Variants in URGCP observed in about 807,000 individuals in gnomAD.
URGCP encodes up-regulator of cell proliferation.
URGCP carries 13 observed loss-of-function variants against 24.6 expected under a neutral mutation model. That is an observed-to-expected ratio of 0.53 (90% confidence interval 0.34 to 0.84). The LOEUF is 0.84. Ranked by LOEUF, URGCP falls within the 40% of genes least tolerant of loss-of-function variation. The pLI, the probability that URGCP is intolerant of heterozygous loss-of-function variation, is 0.01. For synonymous variants in URGCP, 444 were observed against 487.2 expected, an observed-to-expected ratio of 0.91 and a Z score of 1.17; for missense variants, 899 against 1,194.3, an observed-to-expected ratio of 0.75 and a Z score of 3.64.
At position 43,879,167 on chromosome 7, in the gene URGCP, C is replaced by T. The variant is rs1362301989; in HGVS notation, c.296G>A (p.Ser99Asn). The T allele has an allele frequency of 6.2e-7, 1 of 1,614,176 alleles. No homozygotes were observed. Among genetic ancestry groups the T allele is most frequent in the Admixed American group, 1.7e-5 (1 of 60,032 alleles). ...KLSLQDSLQISFDSMKNWAPQ... is the reference protein window; with the variant it reads ...KLSLQDSLQINFDSMKNWAPQ... ...GGCCCAGTTCTTCATACTGTCAAAA[C>T]TGATCTGCAGAGAGTCCTGGAGGCT... The change falls in exon 6 of 6, where the codon AGT (serine) becomes AAT (asparagine). Residue 99 changes from serine (S) to asparagine (N), a missense_variant. Physicochemically the swap from Ser to Asn is conservative, Grantham distance 46 (BLOSUM62 1). Coordinates refer to ENST00000453200, the MANE Select transcript of URGCP (RefSeq NM_001077663.3).
chr7:43,886,885 G>A (rs75160403), intron 3 of URGCP, among the ~76,000 whole-genome samples: 4,536 of 152,234 alleles, frequency 0.03, 250 homozygotes, highest in African/African-American at 0.1. Context: ...AAAGGGTGGC[G>A]TTACAGCCCC....
chr7:43,903,310 G>C (rs145846216), intron 1 of URGCP, among the ~76,000 whole-genome samples: 224 of 152,298 alleles, frequency 1.5e-3, no homozygotes, highest in Middle Eastern at 6.8e-3. Flanking sequence ...ACAGAGCAAG[G>C]AACAAACTTA....
intron 1 of URGCP, chr7:43,919,214 C>A: frequency 1.1e-6 from 1 of 882,520 alleles, no homozygotes; most frequent in Non-Finnish European, 2.0e-6. Flanking sequence ...CAGTGTTTCC[C>A]AACCAGGACA....
At chr7:43,889,676 C>T (rs1379645036) in intron 1 of URGCP, 1 of 152,218 alleles carries the variant, frequency 6.6e-6, no homozygotes, top group Non-Finnish European at 1.5e-5. Flanking sequence ...AATCTACTCC[C>T]ATTGCTCTAG....
At chr7:43,922,966 CCTCT>C (rs1022577925) in intron 1 of URGCP, among the ~76,000 whole-genome samples, 5 of 148,014 alleles carry the variant, frequency 3.4e-5, no homozygotes, top group Non-Finnish European at 6.0e-5. Flanking sequence ...CTCTCTTTCT[CCTCT>C]CTCTCTCTCT....
chr7:43,919,735 C>T, intron 1 of URGCP: 3 of 1,375,532 alleles, frequency 2.2e-6, no homozygotes, highest in Non-Finnish European at 3.1e-6. Context: ...TGGAAGTTGG[C>T]CAACTTCATC....
chr7:43,919,466 C>A (rs1486779265), intron 1 of URGCP: 2 of 1,011,228 alleles, frequency 2.0e-6, no homozygotes, highest in Admixed American at 3.4e-5. Flanking sequence ...TCATAGGCCT[C>A]ATCGCCTCAC....
At position 43,878,566 on chromosome 7, in the gene URGCP, G is replaced by C; in HGVS notation, c.897C>G (p.Asn299Lys). 4 of 1,614,228 alleles carry C rather than the reference G, an allele frequency of 2.5e-6. No homozygotes were observed. The highest frequency in any genetic ancestry group is 3.4e-6 in the Non-Finnish European group (4 of 1,180,048). Residue 299 changes from asparagine to lysine, a missense_variant, in exon 6 of 6, where the codon AAC becomes AAG. Physicochemically the swap from Asn to Lys is moderately conservative, Grantham distance 94. Transcript: ENST00000453200. This position sits in a 1 kb window ranked among gnomAD's most constrained non-coding sequence, Gnocchi z 5.6. ...AAATCTCCCGGGCATTGGTGCCCAA[G>C]TTGAGGTCCCGATGCCAGAAGCAGT... ...QWDCFWHRDL[N>K]LGTNAREISD...
rs1482800650 is a variant in URGCP at position 43,877,243 on chromosome 7, G to A, written c.2220C>T (p.Ser740=). Residue 740 remains serine, a synonymous_variant, in exon 6 of 6, where the codon AGC becomes AGT. Coordinates refer to ENST00000453200, the MANE Select transcript of URGCP (RefSeq NM_001077663.3). ...GGATGTGGTCACAGCCCAGGTCCTG[G>A]CTGAAGCCCTCAGCCACTGTGATGA... ...MQLITVAEGF[S]QDLGCDHILV... 2.5e-6 allele frequency: 4 copies of A among 1,614,092 alleles called. No homozygotes were observed. The highest frequency in any genetic ancestry group is 3.3e-4 in the Middle Eastern group (2 of 6,062).
At chr7:43,926,672 G>A (rs529534021), upstream of URGCP, 42 of 1,148,580 alleles carry the variant, frequency 3.7e-5, no homozygotes, top group Admixed American at 1.3e-3. Flanking sequence ...GGATACACCT[G>A]CCTGGGAAGG....
At chr7:43,902,731 G>C (rs79598651) in intron 1 of URGCP, among the ~76,000 whole-genome samples, 1 of 152,164 alleles carries the variant, frequency 6.6e-6, no homozygotes, top group Admixed American at 6.5e-5. Context: ...CATGTGTTGG[G>C]AGGTACAGAG....
intron 1 of URGCP, among the ~76,000 whole-genome samples, chr7:43,921,898 C>CT (rs1034850495): frequency 2.7e-3 from 389 of 146,458 alleles, no homozygotes; most frequent in African/African-American, 7.1e-3. Flanking sequence ...TTTTCTTTTT[C>CT]TTTTTTTTTT....
intron 5 of URGCP, among the ~76,000 whole-genome samples, chr7:43,880,926 C>G (rs1420753165): frequency 6.6e-6 from 1 of 152,222 alleles, no homozygotes; most frequent in African/African-American, 2.4e-5. Context: ...AGACCACTTT[C>G]CATACGACCA....
chr7:43,889,622 G>A (rs1264849984), intron 1 of URGCP: 1 of 152,220 alleles, frequency 6.6e-6, no homozygotes, highest in African/African-American at 2.4e-5. Flanking sequence ...CCTGTCATAT[G>A]TTTGAAAATT....
intron 1 of URGCP, among the ~76,000 whole-genome samples, chr7:43,916,452 A>G (rs2095915585): frequency 6.6e-6 from 1 of 152,142 alleles, no homozygotes; most frequent in Admixed American, 6.5e-5. Flanking sequence ...TTTGACCCAA[A>G]CTCAATTCCA....
At chr7:43,879,994 G>A (rs2095851470) in intron 5 of URGCP, among the ~76,000 whole-genome samples, 1 of 151,236 alleles carries the variant, frequency 6.6e-6, no homozygotes, top group Non-Finnish European at 1.5e-5. Context: ...CATGATTTCA[G>A]TTCACTGTAG....
At chr7:43,879,382 G>GT in intron 5 of URGCP, 122 bp from the exon 6 acceptor site, 1 of 1,198,340 alleles carries the variant, frequency 8.3e-7, no homozygotes, top group Non-Finnish European at 1.1e-6. Flanking sequence ...AGAGAGCAGA[G>GT]TGCAGGCACA....
intron 1 of URGCP, among the ~76,000 whole-genome samples, chr7:43,920,991 TTGTC>T (rs1279445348): frequency 8.5e-5 from 13 of 152,234 alleles, no homozygotes; most frequent in Admixed American, 2.6e-4. Flanking sequence ...CTGCTGCTGT[TTGTC>T]TGTGCAGTTA....
At chr7:43,924,643 T>C (rs901153963) in intron 1 of URGCP, among the ~76,000 whole-genome samples, 1 of 152,172 alleles carries the variant, frequency 6.6e-6, no homozygotes, top group African/African-American at 2.4e-5. Flanking sequence ...GGCTGTTCAA[T>C]GGGTGATGCT....
Sources: gnomAD v4.1 joint callset for allele counts (sites outside exome capture counted in the v4.1 genomes callset) on GRCh38, gnomAD v4.1.1 for gene constraint, Gnocchi (gnomAD v3.1) non-coding constraint, MANE v1.5 for transcripts, NCBI Gene and HGNC (gene_info 2026-07-23, HGNC 2026-07-21) for gene names.